Variants in SBF2 observed in about 807,000 individuals in gnomAD.
SBF2 encodes myotubularin-related protein 13.
In SBF2, 112 loss-of-function variants were observed where a neutral mutation model predicts 225.2. The ratio of observed to expected loss-of-function variants is 0.50; its 90% CI spans 0.43 to 0.58. The LOEUF is 0.58. SBF2 is among the 20% of genes least tolerant of loss of function. The pLI is 0.00. For missense variants in SBF2, 1,996 were observed against 2,206.2 expected (o/e 0.90, Z 1.91); for synonymous variants, 763 against 773.3 (o/e 0.99, Z 0.22).
At chr11:10,039,446 T>C (rs187318319) in intron 3 of SBF2, among the ~76,000 whole-genome samples, 71 of 151,950 alleles carry the variant, frequency 4.7e-4, no homozygotes, top group African/African-American at 1.6e-3. Context: ...GTCTTACAAT[T>C]CTGGCTAGTA....
At chr11:10,068,803 T>C (rs1232149071) in intron 2 of SBF2, among the ~76,000 whole-genome samples, 1 of 152,184 alleles carries the variant, frequency 6.6e-6, no homozygotes, top group East Asian at 1.9e-4. Flanking sequence ...CACAGCATTG[T>C]TGCCCTCAAG....
At chr11:10,158,200 A>C (rs1433597797) in intron 2 of SBF2, among the ~76,000 whole-genome samples, 1 of 152,200 alleles carries the variant, frequency 6.6e-6, no homozygotes, top group Non-Finnish European at 1.5e-5. Flanking sequence ...TTCTAAGAGG[A>C]AAGTTTATAG....
At chr11:9,993,763 A>G (rs1054774042) in intron 10 of SBF2, among the ~76,000 whole-genome samples, 158 bp downstream of exon 10, 1 of 152,238 alleles carries the variant, frequency 6.6e-6, no homozygotes, top group African/African-American at 2.4e-5. Flanking sequence ...TGAGCAGGAC[A>G]TAAGGACAGT....
At chr11:10,061,971 G>T (rs1325628346) in intron 2 of SBF2, among the ~76,000 whole-genome samples, 1 of 152,168 alleles carries the variant, frequency 6.6e-6, no homozygotes, top group Non-Finnish European at 1.5e-5. Context: ...ACCAAAAATA[G>T]CATGGTACTG....
rs143439179 is a variant in SBF2, at chr11:9,795,975, A to G, written c.4444-18T>C. ...TTGTGAACCTGAAACACACAAGGCA[A>G]AGAAAAGAGTAAGAATCAAACAGAA... is the stretch of plus-strand genomic sequence containing the variant. On this transcript the variant is annotated intron_variant, in intron 32 of 39. Transcript: ENST00000256190. 6.2e-7 allele frequency: 1 copy of G among 1,611,486 alleles called. No homozygotes were observed. The highest frequency in any genetic ancestry group is 8.5e-7 in the Non-Finnish European group (1 of 1,179,688).
intron 2 of SBF2, among the ~76,000 whole-genome samples, chr11:10,070,673 T>G (rs1357517401): frequency 1.3e-5 from 2 of 152,210 alleles, no homozygotes; most frequent in Non-Finnish European, 2.9e-5. Flanking sequence ...AACTTTAAAA[T>G]AGTTTTTTTC....
At chr11:10,094,528 A>ATTTTTTTTTCTTTT in intron 2 of SBF2, among the ~76,000 whole-genome samples, 1 of 107,290 alleles carries the variant, frequency 9.3e-6, no homozygotes, top group African/African-American at 3.3e-5. Context: ...ATACACACAG[A>ATTTTTTTTTCTTTT]TTTTTTTTTT....
At chr11:9,993,212 T>A in intron 10 of SBF2, 109 bp from the exon 11 acceptor site, 1 of 764,044 alleles carries the variant, frequency 1.3e-6, no homozygotes, top group Non-Finnish European at 2.2e-6. Flanking sequence ...GATTTTTATA[T>A]CCACCAAAAC....
rs568032593 is a variant in SBF2 at position 9,993,002 on chromosome 11, T to G, written c.1155A>C (p.Ile385=). The part of the protein sequence containing the change: ...QLIRIHAEPV[I]HFHKTAFLGQ... ...TACTCTATCTTACCTTGTGGAAATG[T>G]ATTACTGGCTCTGCATGAATTCTTA... Residue 385 remains isoleucine (I), a synonymous_variant, in exon 11 of 40, where the codon ATA becomes ATC. Coordinates refer to ENST00000256190, the MANE Select transcript of SBF2 (RefSeq NM_030962.4). The G allele has an allele frequency of 6.2e-7, 1 of 1,602,994 alleles. No homozygotes were observed. The highest frequency in any genetic ancestry group is 2.2e-5 in the East Asian group (1 of 44,702).
At chr11:10,010,575 C>G (rs531868418) in intron 6 of SBF2, among the ~76,000 whole-genome samples, 3 of 152,156 alleles carry the variant, frequency 2.0e-5, no homozygotes, top group African/African-American at 7.2e-5. Flanking sequence ...TCTGAGGCCT[C>G]TGTTCTGTCC....
chr11:10,170,906 G>A (rs1181283838), intron 2 of SBF2, among the ~76,000 whole-genome samples: 1 of 151,822 alleles, frequency 6.6e-6, no homozygotes, highest in African/African-American at 2.4e-5. Flanking sequence ...TGTAGCTACT[G>A]TAAATGAGAT....
intron 22 of SBF2, among the ~76,000 whole-genome samples, chr11:9,847,976 A>C (rs1193999615): frequency 6.6e-6 from 1 of 152,102 alleles, no homozygotes; most frequent in African/African-American, 2.4e-5. Flanking sequence ...TGGAGCTTTA[A>C]AGGAAGTGTA....
chr11:10,250,251 A>G (rs1338688440), intron 1 of SBF2, among the ~76,000 whole-genome samples: 1 of 152,172 alleles, frequency 6.6e-6, no homozygotes, highest in Non-Finnish European at 1.5e-5. Flanking sequence ...TTTGAACTCC[A>G]TGGTCTAAGT....
In SBF2 at chr11:9,883,336, A is replaced by AT. The variant is rs1453494583; in HGVS notation, c.1929+12606dup. On this transcript the variant is annotated intron_variant, in intron 17 of 39. Coordinates refer to ENST00000256190, the MANE Select transcript of SBF2 (RefSeq NM_030962.4). Reference sequence around the variant, plus strand: ...TTAGTGGCTTAAAAACAACCACTGTATTTTTTTATTTTAAATTGATTAAAA... The same window carrying AT: ...TTAGTGGCTTAAAAACAACCACTGTATTTTTTTTATTTTAAATTGATTAAAA... Among the ~76,000 whole-genome samples, 11 of 152,108 alleles carry AT rather than the reference A, an allele frequency of 7.2e-5. No homozygotes were observed. The East Asian group carries it at 9.6e-4, about 13-fold the overall frequency.
At chr11:10,108,515 CTTTTTTTTTTTTTTTT>C (rs34189666) in intron 2 of SBF2, among the ~76,000 whole-genome samples, 13 of 83,484 alleles carry the variant, frequency 1.6e-4, no homozygotes, top group Admixed American at 3.3e-4. Context: ...TAATAGTTAA[CTTTTTTTTTTTTTTTT>C]TTTTTTTTTT....
intron 2 of SBF2, among the ~76,000 whole-genome samples, chr11:10,065,966 C>G (rs1338075965): frequency 1.3e-5 from 2 of 151,886 alleles, no homozygotes; most frequent in Non-Finnish European, 2.9e-5. Context: ...AACAAACAAA[C>G]AAACAAAAAA....
At chr11:9,830,331 C>CT (rs1855312377) in intron 27 of SBF2, among the ~76,000 whole-genome samples, 2 of 152,164 alleles carry the variant, frequency 1.3e-5, no homozygotes, top group African/African-American at 2.4e-5. Flanking sequence ...CTAAGACGCA[C>CT]TGTTATTTTA....
intron 17 of SBF2, among the ~76,000 whole-genome samples, chr11:9,862,475 T>G (rs564583293): frequency 4.6e-5 from 7 of 152,250 alleles, no homozygotes; most frequent in African/African-American, 1.7e-4. Context: ...GAAAGAGAAC[T>G]GTTCAGGGTC....
At chr11:9,958,926 C>T (rs925757292) in intron 16 of SBF2, 33 of 679,444 alleles carry the variant, frequency 4.9e-5, no homozygotes, top group Non-Finnish European at 7.6e-5. Flanking sequence ...GCAGAAAAGT[C>T]GTTGATGTTA....
Sources: gnomAD v4.1 joint callset for allele counts (sites outside exome capture counted in the v4.1 genomes callset) on GRCh38, gnomAD v4.1.1 for gene constraint, MANE v1.5 for transcripts, NCBI Gene and HGNC (gene_info 2026-07-23, HGNC 2026-07-21) for gene names.